The following PAPPA variants were observed in gnomAD, a reference collection of about 807,000 sequenced individuals.
PAPPA encodes pappalysin-1.
Under a neutral mutation model 164.0 loss-of-function variants are expected in PAPPA, and 60 were observed. The ratio of observed to expected loss-of-function variants is 0.37; its 90% CI spans 0.30 to 0.45. The LOEUF is 0.45. Among genes scored for constraint, PAPPA ranks in the 20% least tolerant of loss-of-function variants. The pLI, the probability that PAPPA is intolerant of heterozygous loss-of-function variation, is 1.00. For synonymous variants in PAPPA, 875 were observed against 814.1 expected (o/e 1.07, Z -1.27); for missense variants, 1,782 against 2,087.3 (o/e 0.85, Z 2.85).
chr9:116,170,287 C>G (rs931646865), intron 1 of PAPPA, among the ~76,000 whole-genome samples: 1 of 152,140 alleles, frequency 6.6e-6, no homozygotes, highest in East Asian at 1.9e-4. Flanking sequence ...TCAGACTGAG[C>G]AATTGCACTT....
chr9:116,164,385 C>T (rs1482265460), intron 1 of PAPPA, among the ~76,000 whole-genome samples: 1 of 152,116 alleles, frequency 6.6e-6, no homozygotes, highest in African/African-American at 2.4e-5. Flanking sequence ...GTATTATTTG[C>T]CACAAACCCA....
At chr9:116,320,421 G>T (rs188940851) in intron 10 of PAPPA, among the ~76,000 whole-genome samples, 1 of 152,326 alleles carries the variant, frequency 6.6e-6, no homozygotes, top group East Asian at 1.9e-4. Context: ...CTGGGTAGAG[G>T]CTCTGAGATC....
chr9:116,375,661 C>T (rs1846639214), intron 19 of PAPPA, among the ~76,000 whole-genome samples: 1 of 152,192 alleles, frequency 6.6e-6, no homozygotes, highest in South Asian at 2.1e-4. Flanking sequence ...AAGAAAGGCA[C>T]CCAATCCAGT....
chr9:116,333,664 G>A (rs911234690), intron 12 of PAPPA, among the ~76,000 whole-genome samples: 4 of 152,206 alleles, frequency 2.6e-5, no homozygotes, highest in African/African-American at 9.7e-5. Flanking sequence ...GAATAAGGAA[G>A]AGAAAGAAAA....
Position 116,377,573 on chromosome 9 carries a change from C to T in PAPPA, c.4606-3C>T. The stretch of plus-strand genomic sequence containing the variant: ...TCTGACCTTTCTCTCCCTCTTCCCA[C>T]AGAGAGTTGTCTGCACTGCTGGTCT... On this transcript the variant is annotated splice_polypyrimidine_tract_variant and splice_region_variant and intron_variant, in intron 19 of 21. Coordinates refer to ENST00000328252, the MANE Select transcript of PAPPA (RefSeq NM_002581.5). 1 of 1,611,958 alleles carries T rather than the reference C, an allele frequency of 6.2e-7. No individual in the cohort carries two copies. Among genetic ancestry groups the T allele is most frequent in the Non-Finnish European group, 8.5e-7 (1 of 1,178,070 alleles).
At chr9:116,236,219 C>A (rs1040813348) in intron 7 of PAPPA, among the ~76,000 whole-genome samples, 1 of 152,068 alleles carries the variant, frequency 6.6e-6, no homozygotes, top group South Asian at 2.1e-4. Context: ...TCCTTAGGGC[C>A]TTTGCAGCTT....
intron 7 of PAPPA, among the ~76,000 whole-genome samples, chr9:116,260,650 G>C (rs1844990544): frequency 6.6e-6 from 1 of 152,008 alleles, no homozygotes; most frequent in African/African-American, 2.4e-5. Flanking sequence ...AAAAGCTCAA[G>C]ACATAAGGAT....
intron 1 of PAPPA, among the ~76,000 whole-genome samples, chr9:116,175,003 C>T (rs1246661183): frequency 1.3e-5 from 2 of 152,164 alleles, no homozygotes; most frequent in South Asian, 2.1e-4. Context: ...TCTTCTTTCA[C>T]AAATAAGAAA....
intron 7 of PAPPA, among the ~76,000 whole-genome samples, chr9:116,243,044 C>T (rs893883748): frequency 2.0e-5 from 3 of 152,074 alleles, no homozygotes; most frequent in East Asian, 1.9e-4. Flanking sequence ...ATTTCTCATT[C>T]GTTAAATTGG....
At chr9:116,329,399 T>C (rs563657666) in intron 10 of PAPPA, among the ~76,000 whole-genome samples, 2 of 152,328 alleles carry the variant, frequency 1.3e-5, no homozygotes, top group South Asian at 4.1e-4. Flanking sequence ...AAACCACCTA[T>C]GTATAACAGG....
chr9:116,238,529 T>C (rs1844698332), intron 7 of PAPPA, among the ~76,000 whole-genome samples: 1 of 152,230 alleles, frequency 6.6e-6, no homozygotes, highest in Non-Finnish European at 1.5e-5. Flanking sequence ...CCAGTCCCTT[T>C]CTTGAAGGCA....
At chr9:116,181,512 C>A (rs1041757733) in intron 1 of PAPPA, among the ~76,000 whole-genome samples, 2 of 152,154 alleles carry the variant, frequency 1.3e-5, no homozygotes, top group African/African-American at 2.4e-5. Flanking sequence ...AATTTAATTA[C>A]CTTTTCAAAG....
At chr9:116,341,361 G>A (rs1459394566) in intron 13 of PAPPA, among the ~76,000 whole-genome samples, 9 of 151,934 alleles carry the variant, frequency 5.9e-5, no homozygotes, top group Non-Finnish European at 1.0e-4. Flanking sequence ...CTCATATATT[G>A]GCCTTACTAG....
chr9:116,324,688 T>C (rs1323128961), intron 10 of PAPPA, among the ~76,000 whole-genome samples: 1 of 152,154 alleles, frequency 6.6e-6, no homozygotes. Context: ...GGAGGGATGA[T>C]ATTTGAGAGT....
At chr9:116,167,945 A>C (rs964836070) in intron 1 of PAPPA, among the ~76,000 whole-genome samples, 1 of 152,220 alleles carries the variant, frequency 6.6e-6, no homozygotes, top group Non-Finnish European at 1.5e-5. Context: ...AATTAAGCTA[A>C]GCTAAGTGAG....
rs375800487 is a variant in PAPPA at position 116,367,628 on chromosome 9, T to C, written c.4496-17T>C. The C allele has an allele frequency of 2.4e-5, 39 of 1,595,068 alleles. No individual in the cohort carries two copies. Among genetic ancestry groups the C allele is most frequent in the Non-Finnish European group, 3.3e-5 (38 of 1,163,748 alleles). On this transcript the variant is annotated splice_polypyrimidine_tract_variant and intron_variant, in intron 18 of 21. Coordinates refer to ENST00000328252, the MANE Select transcript of PAPPA (RefSeq NM_002581.5). ...GGTCTCGGGCCTGAGCTGCGCCTCA[T>C]GCTGTACTTCCCTCAGGGTCGGAGT...
intron 9 of PAPPA, among the ~76,000 whole-genome samples, chr9:116,278,741 A>C (rs1845232038): frequency 6.6e-6 from 1 of 151,990 alleles, no homozygotes; most frequent in Non-Finnish European, 1.5e-5. Flanking sequence ...TCAAATGTCT[A>C]TTGGTTGCAA....
intron 13 of PAPPA, among the ~76,000 whole-genome samples, chr9:116,338,414 T>TA (rs778303764): frequency 6.6e-6 from 1 of 152,160 alleles, no homozygotes; most frequent in Non-Finnish European, 1.5e-5. Context: ...AGGGAGAACT[T>TA]AGACTGTTGT....
At chr9:116,356,642 A>C (rs1564239555) in intron 17 of PAPPA, among the ~76,000 whole-genome samples, 1 of 152,106 alleles carries the variant, frequency 6.6e-6, no homozygotes, top group East Asian at 1.9e-4. Flanking sequence ...TTTTTGTCAG[A>C]TTTGTCAAAG....
Sources: allele counts gnomAD v4.1 joint callset (sites outside exome capture counted in the v4.1 genomes callset), GRCh38; gene constraint gnomAD v4.1.1; transcripts MANE v1.5; gene names NCBI Gene and HGNC (gene_info 2026-07-23, HGNC 2026-07-21).